MON2: variants seen among roughly 807,000 people sequenced by gnomAD.
MON2 encodes protein MON2 homolog.
A neutral mutation model predicts 208.6 loss-of-function variants in MON2; 84 were observed. The ratio of observed to expected loss-of-function variants is 0.40; its 90% confidence interval spans 0.34 to 0.48. MON2 has a LOEUF of 0.48. MON2 is among the 20% of genes least tolerant of loss of function. MON2 has a pLI of 0.59. For synonymous variants in MON2, 660 were observed against 694.0 expected (o/e 0.95, Z 0.77); for missense variants, 1,611 against 2,015.4 (o/e 0.80, Z 3.84).
rs1306985381 is a variant in MON2, at chr12:62,560,382, G to A, written c.3410-109G>A. On this transcript the variant is annotated intron_variant, in intron 25 of 34. Coordinates refer to ENST00000393630, the MANE Select transcript of MON2 (RefSeq NM_015026.3). The stretch of plus-strand genomic sequence containing the variant: ...ACCTAGTCATATATTTTCCAGTTCT[G>A]TAGGATTTTAAGCAGAAAAATTAAG... 4.5e-5 allele frequency: 50 copies of A among 1,101,466 alleles called. No homozygotes were observed. The South Asian group carries it at 6.5e-4, about 14-fold the overall frequency. 68.2% of individuals were successfully genotyped at this position (1,101,466 alleles called of 1,614,324 possible).
chr12:62,540,739 G>A (rs1197366911), intron 19 of MON2, among the ~76,000 whole-genome samples: 1 of 152,066 alleles, frequency 6.6e-6, no homozygotes, highest in Non-Finnish European at 1.5e-5. Context: ...GTAAAGTGAA[G>A]TAAATATGGA....
intron 4 of MON2, among the ~76,000 whole-genome samples, chr12:62,496,227 T>C (rs2136059676): frequency 6.6e-6 from 1 of 152,172 alleles, no homozygotes; most frequent in African/African-American, 2.4e-5. Flanking sequence ...TATATCCTTT[T>C]GTGTATCATT....
At chr12:62,504,084 CTT>C (rs1354963479) in intron 7 of MON2, among the ~76,000 whole-genome samples, 1 of 151,864 alleles carries the variant, frequency 6.6e-6, no homozygotes, top group Non-Finnish European at 1.5e-5. Flanking sequence ...GTATAGGTGT[CTT>C]TAGTAATAGT....
chr12:62,561,818 T>C (rs2074209660), intron 26 of MON2, among the ~76,000 whole-genome samples: 1 of 152,104 alleles, frequency 6.6e-6, no homozygotes, highest in African/African-American at 2.4e-5. Context: ...TTGGAGTAGA[T>C]CTAGATTCTG....
chr12:62,584,663 A>G (rs2936296), intron 32 of MON2, among the ~76,000 whole-genome samples: 2 of 140,272 alleles, frequency 1.4e-5, no homozygotes, highest in Non-Finnish European at 3.0e-5. Flanking sequence ...AGATTACACC[A>G]CTGCACTCCT....
At chr12:62,563,567 T>G (rs1156487699) in intron 26 of MON2, among the ~76,000 whole-genome samples, 1 of 152,126 alleles carries the variant, frequency 6.6e-6, no homozygotes, top group Non-Finnish European at 1.5e-5. Context: ...TTCTATAGAT[T>G]TTTCTGATAT....
At chr12:62,491,178 C>T (rs191940893) in intron 2 of MON2, among the ~76,000 whole-genome samples, 2 of 152,188 alleles carry the variant, frequency 1.3e-5, no homozygotes, top group East Asian at 1.9e-4. Flanking sequence ...GAAAACTTTC[C>T]GTTAACATCT....
At chr12:62,583,786 T>TAA (rs776705735) in intron 32 of MON2, among the ~76,000 whole-genome samples, 12 of 125,570 alleles carry the variant, frequency 9.6e-5, no homozygotes, top group African/African-American at 3.5e-4. Context: ...CTGTCTCTAC[T>TAA]AAAAAAAAAA....
rs2075419013 is a variant in MON2 at position 62,592,234 on chromosome 12, G to C, written c.4991-352G>C. Reference sequence around the variant, plus strand: ...CTGAAAAAGTTATTTTCTAATTCTTGAAATGTACACTACATCCTCTCGCAA... The same window carrying C: ...CTGAAAAAGTTATTTTCTAATTCTTCAAATGTACACTACATCCTCTCGCAA... On this transcript the variant is annotated intron_variant, in intron 34 of 34. Coordinates refer to ENST00000393630, the MANE Select transcript of MON2 (RefSeq NM_015026.3). Among the ~76,000 whole-genome samples the C allele has an allele frequency of 3.9e-5, 6 of 152,142 alleles. No individual in the cohort carries two copies. The South Asian group carries it at 1.2e-3, about 32-fold the overall frequency.
intron 31 of MON2, 99 bp from the exon 32 acceptor site, chr12:62,580,194 TTAAC>T: frequency 8.8e-7 from 1 of 1,130,412 alleles, no homozygotes; most frequent in Non-Finnish European, 1.3e-6. Flanking sequence ...GGAGAGTTCT[TTAAC>T]TGATTTTCAT....
At chr12:62,557,877 C>A (rs1450910700) in intron 25 of MON2, among the ~76,000 whole-genome samples, 2 of 126,588 alleles carry the variant, frequency 1.6e-5, no homozygotes, top group African/African-American at 6.1e-5. Context: ...AAATGAGCAT[C>A]ATTTTTAGTA....
Position 62,488,464 on chromosome 12 carries a change from G to GAAT in MON2, c.175+4233_175+4235dup, listed in dbSNP as rs199857418. Among the ~76,000 whole-genome samples, 655 of 152,280 alleles carry GAAT rather than the reference G, an allele frequency of 4.3e-3. 6 individuals carry two copies. Among genetic ancestry groups the GAAT allele is most frequent in the African/African-American group, 0.015 (622 of 41,570 alleles). On this transcript the variant is annotated intron_variant, in intron 2 of 34. Coordinates refer to ENST00000393630, the MANE Select transcript of MON2 (RefSeq NM_015026.3). ...TGCCTGACTGTAGAGTATGAAGGGG[G>GAAT]AATAGGTGTCAGGAATTTCATAGGG...
At chr12:62,499,589 T>G (rs1283273465) in intron 5 of MON2, among the ~76,000 whole-genome samples, 1 of 152,102 alleles carries the variant, frequency 6.6e-6, no homozygotes, top group Non-Finnish European at 1.5e-5. Flanking sequence ...AAAATTAATT[T>G]TTGGCTGGGT....
Position 62,560,829 on chromosome 12 carries a change from A to G in MON2, c.3748A>G (p.Ile1250Val), listed in dbSNP as rs767478400. The part of the protein sequence containing the change: ...WWAAWNTWYR[I>V]GSESTKPPIT... ...GGCTGCGTGGAATACCTGGTATAGAATTGGATCTGAAAGTACTAAGCCTCC... is the reference window on the plus strand; with the variant it reads ...GGCTGCGTGGAATACCTGGTATAGAGTTGGATCTGAAAGTACTAAGCCTCC... Residue 1250 changes from isoleucine (I) to valine (V), a missense_variant, in exon 26 of 35, where the codon ATT becomes GTT. Coordinates refer to ENST00000393630, the MANE Select transcript of MON2 (RefSeq NM_015026.3). 2 of 1,614,142 alleles carry G rather than the reference A, an allele frequency of 1.2e-6. No homozygotes were observed. Among genetic ancestry groups the G allele is most frequent in the South Asian group, 2.2e-5 (2 of 91,086 alleles).
chr12:62,510,538 A>G (rs369537324), intron 8 of MON2, among the ~76,000 whole-genome samples: 3 of 152,224 alleles, frequency 2.0e-5, no homozygotes, highest in South Asian at 4.1e-4. Flanking sequence ...TAAAAACTAC[A>G]TGATCATTTC....
chr12:62,523,241 G>T (rs1435468600), intron 8 of MON2, among the ~76,000 whole-genome samples: 1 of 152,096 alleles, frequency 6.6e-6, no homozygotes. Flanking sequence ...AAAAAATAAT[G>T]CCCTATTCAT....
chr12:62,478,363 G>A (rs2069207953), intron 1 of MON2, among the ~76,000 whole-genome samples: 1 of 152,134 alleles, frequency 6.6e-6, no homozygotes. Context: ...ACAAGCCATA[G>A]ACAGTACTAA....
chr12:62,593,464 T>G lies in MON2; in HGVS notation c.*715T>G, dbSNP rs1200919573. Reference sequence around the variant, plus strand: ...TTTTAAATGTATTATTAGTGACCATTAAACATCTGACCAGTAAGGTCATGT... The same window carrying G: ...TTTTAAATGTATTATTAGTGACCATGAAACATCTGACCAGTAAGGTCATGT... On this transcript the variant is annotated 3_prime_UTR_variant, in exon 35 of 35. Transcript: ENST00000393630. 1 of 152,588 alleles carries G rather than the reference T, an allele frequency of 6.6e-6. No individual in the cohort carries two copies. The highest frequency in any genetic ancestry group is 2.4e-5 in the African/African-American group (1 of 41,454). The allele number at this position is 152,588 out of a possible 1,614,324, so 9.5% of individuals were successfully genotyped here.
chr12:62,483,621 C>A (rs1318486255), intron 1 of MON2, among the ~76,000 whole-genome samples: 1 of 152,158 alleles, frequency 6.6e-6, no homozygotes, highest in Non-Finnish European at 1.5e-5. Context: ...GAGGCTGAGG[C>A]AGGAGAATGG....
Sources: gnomAD v4.1 joint callset for allele counts (sites outside exome capture counted in the v4.1 genomes callset) on GRCh38, gnomAD v4.1.1 for gene constraint, MANE v1.5 for transcripts, NCBI Gene and HGNC (gene_info 2026-07-23, HGNC 2026-07-21) for gene names.